TENM3: variants seen among roughly 807,000 people sequenced by gnomAD.
TENM3 encodes the protein teneurin-3.
In TENM3, 63 loss-of-function variants were observed where a neutral mutation model predicts 255.1. That is an observed-to-expected ratio of 0.25 (90% CI 0.20 to 0.30). The LOEUF (loss-of-function observed/expected upper bound fraction) is 0.30. TENM3 is among the 10% of genes least tolerant of loss of function. The pLI, the probability that TENM3 is intolerant of heterozygous loss-of-function variation, is 1.00. For missense variants in TENM3, 2,929 were observed against 3,461.1 expected (o/e 0.85, Z 3.86); for synonymous variants, 1,306 against 1,322.3 (o/e 0.99, Z 0.27).
chr4:182,539,656 T>A (rs1740669724), intron 3 of TENM3, among the ~76,000 whole-genome samples: 1 of 152,210 alleles, frequency 6.6e-6, no homozygotes, highest in Non-Finnish European at 1.5e-5. Context: ...CGTACAGCAT[T>A]AAAATTTCTC....
intron 3 of TENM3, among the ~76,000 whole-genome samples, chr4:182,577,793 T>C (rs1745080232): frequency 6.6e-6 from 1 of 152,196 alleles, no homozygotes; most frequent in Non-Finnish European, 1.5e-5. Context: ...TCTTTATGAT[T>C]CCTCAAGTAC....
At position 182,655,986 on chromosome 4, in the gene TENM3, G is replaced by A. The variant is rs563987709; in HGVS notation, c.1111+2093G>A. Among the ~76,000 whole-genome samples, 18 of 152,132 alleles carry A rather than the reference G, an allele frequency of 1.2e-4. No individual in the cohort carries two copies. The South Asian group carries it at 3.3e-3, about 28-fold the overall frequency. On this transcript the variant is annotated intron_variant, in intron 6 of 27. Transcript: ENST00000511685. ...CCACTAAAATAATTTCATACTTTAT[G>A]AAATATTGTGCTCTGTAATTTCAGA...
intron 3 of TENM3, among the ~76,000 whole-genome samples, chr4:182,456,869 A>G (rs1384767533): frequency 1.3e-5 from 2 of 152,136 alleles, no homozygotes; most frequent in Non-Finnish European, 2.9e-5. Context: ...CTCTTGCTCC[A>G]TCTTCATCTA....
chr4:181,681,204 C>G, the TENM3 span, among the ~76,000 whole-genome samples: 1 of 151,916 alleles, frequency 6.6e-6, no homozygotes, highest in Admixed American at 6.6e-5. Context: ...TTGAAAAAGA[C>G]TTTGGAGGTC....
chr4:181,823,689 A>G, the TENM3 span, among the ~76,000 whole-genome samples: 17 of 152,316 alleles, frequency 1.1e-4, no homozygotes, highest in African/African-American at 3.6e-4. Flanking sequence ...TGTTGATAGT[A>G]ACCCCTGGGG....
the TENM3 span, among the ~76,000 whole-genome samples, chr4:181,891,522 C>T: frequency 6.6e-6 from 1 of 152,252 alleles, no homozygotes; most frequent in African/African-American, 2.4e-5. Flanking sequence ...TTCTTTATCT[C>T]CTTTCTTGCT....
At chr4:182,308,016 C>T (rs1173693431) in intron 1 of TENM3, among the ~76,000 whole-genome samples, 3 of 152,198 alleles carry the variant, frequency 2.0e-5, no homozygotes, top group Non-Finnish European at 2.9e-5. Flanking sequence ...CATCTGAGAA[C>T]GCAACATTTT....
At chr4:182,161,712 T>C (rs71636173) in intron 1 of TENM3, among the ~76,000 whole-genome samples, 4,485 of 6,876 alleles carry the variant, frequency 0.65, 1,358 homozygotes, top group Middle Eastern at 0.8. Flanking sequence ...TATATATACA[T>C]ATATATGTGT....
chr4:182,410,162 G>A (rs935611953), intron 3 of TENM3, among the ~76,000 whole-genome samples: 5 of 152,256 alleles, frequency 3.3e-5, no homozygotes, highest in Non-Finnish European at 7.4e-5. Context: ...CAGGGATCAC[G>A]TTCTTCTATT....
chr4:181,824,710 C>G, the TENM3 span, among the ~76,000 whole-genome samples: 1 of 151,922 alleles, frequency 6.6e-6, no homozygotes, highest in Non-Finnish European at 1.5e-5. Context: ...GAAAAATGAT[C>G]TTCTAATTCA....
At chr4:181,905,937 G>A in the TENM3 span, 39 of 567,186 alleles carry the variant, frequency 6.9e-5, no homozygotes, top group African/African-American at 1.5e-4. Context: ...CTCCAACTTC[G>A]GTTTCAGAAC....
the TENM3 span, among the ~76,000 whole-genome samples, chr4:181,454,587 A>C: frequency 7.5e-6 from 1 of 132,998 alleles, no homozygotes; most frequent in African/African-American, 3.0e-5. Flanking sequence ...TGCCTTACGC[A>C]GACGTACAAT....
intron 1 of TENM3, among the ~76,000 whole-genome samples, chr4:182,308,544 T>C (rs547682484): frequency 6.6e-6 from 1 of 152,180 alleles, no homozygotes; most frequent in Non-Finnish European, 1.5e-5. Context: ...CTCACTATAT[T>C]GCCCACGCTG....
chr4:182,657,070 T>C (rs949030461), intron 6 of TENM3, among the ~76,000 whole-genome samples: 2 of 152,310 alleles, frequency 1.3e-5, no homozygotes, highest in Admixed American at 6.5e-5. Flanking sequence ...GCCCAAGGAA[T>C]TCATTTAGCC....
upstream of TENM3, among the ~76,000 whole-genome samples, chr4:182,240,860 T>A (rs1054480914): frequency 6.6e-6 from 1 of 152,196 alleles, no homozygotes; most frequent in African/African-American, 2.4e-5. Context: ...TTACAGGGCT[T>A]TGAGACCAGC....
the TENM3 span, among the ~76,000 whole-genome samples, chr4:181,784,161 T>TG: frequency 2.2e-5 from 1 of 45,216 alleles, no homozygotes; most frequent in Non-Finnish European, 5.2e-5. Flanking sequence ...GAGTCATCTG[T>TG]TTTTTTTTTT....
At chr4:182,212,770 C>A (rs1283321741) in intron 1 of TENM3, among the ~76,000 whole-genome samples, 1 of 152,168 alleles carries the variant, frequency 6.6e-6, no homozygotes, top group African/African-American at 2.4e-5. Flanking sequence ...GGAAGAAAAT[C>A]AATTTTGACT....
the TENM3 span, among the ~76,000 whole-genome samples, chr4:181,500,072 A>G: frequency 1.3e-5 from 2 of 152,128 alleles, no homozygotes; most frequent in African/African-American, 4.8e-5. Flanking sequence ...CTTGTTGCCC[A>G]GGCTGGAGTG....
the TENM3 span, among the ~76,000 whole-genome samples, chr4:181,697,985 C>T: frequency 7.0e-4 from 106 of 151,908 alleles, 1 homozygote; most frequent in African/African-American, 2.2e-3. Flanking sequence ...GAGGCCAAGG[C>T]GGGCGGATCA....
Sources: gnomAD v4.1 joint callset for allele counts (sites outside exome capture counted in the v4.1 genomes callset) on GRCh38, gnomAD v4.1.1 for gene constraint, MANE v1.5 for transcripts, NCBI Gene and HGNC (gene_info 2026-07-23, HGNC 2026-07-21) for gene names.